WDFY3: variants seen among roughly 807,000 people sequenced by gnomAD.
WDFY3 encodes the protein WD repeat and FYVE domain-containing protein 3.
In WDFY3, 66 loss-of-function variants were observed where a neutral mutation model predicts 409.6. The observed-to-expected ratio is 0.16, with a 90% confidence interval of 0.13 to 0.20. WDFY3 has a LOEUF of 0.20. Ranked by LOEUF, WDFY3 falls within the 10% of genes least tolerant of loss-of-function variation. The probability of loss-of-function intolerance (pLI) is 1.00; values close to 1 mark genes in which losing one functional copy is unlikely to be tolerated. For synonymous variants in WDFY3, 1,521 were observed against 1,537.1 expected (o/e 0.99, Z 0.25); for missense variants, 3,031 against 4,298.1 (o/e 0.71, Z 8.24).
chr4:84,798,308 T>G (rs1044378916), intron 17 of WDFY3, among the ~76,000 whole-genome samples, 200 bp from the exon 18 acceptor site: 1 of 152,130 alleles, frequency 6.6e-6, no homozygotes, highest in Admixed American at 6.5e-5. Context: ...TTTTAGAATG[T>G]TTTTTAGACA....
intron 5 of WDFY3, 185 bp downstream of exon 5, chr4:84,849,717 C>A: frequency 1.5e-6 from 1 of 689,370 alleles, no homozygotes; most frequent in Non-Finnish European, 2.3e-6. Flanking sequence ...TTGAGCAGAA[C>A]TACTGGAGAG....
intron 2 of WDFY3, among the ~76,000 whole-genome samples, chr4:84,904,176 T>G (rs943471211): frequency 3.3e-5 from 5 of 152,350 alleles, no homozygotes; most frequent in African/African-American, 1.2e-4. Context: ...CTGAATCTGC[T>G]GGTGCGTTGA....
At chr4:84,921,519 A>AT (rs1769268168) in intron 2 of WDFY3, among the ~76,000 whole-genome samples, 2 of 152,100 alleles carry the variant, frequency 1.3e-5, no homozygotes. Context: ...ATCAGAGAAA[A>AT]GTATTTTTAT....
chr4:84,849,948 T>A lies in WDFY3; in HGVS notation c.258A>T (p.Arg86=). 6.2e-7 allele frequency: 1 copy of A among 1,611,756 alleles called. No homozygotes were observed. The highest frequency in any genetic ancestry group is 8.5e-7 in the Non-Finnish European group (1 of 1,179,288). The part of the protein sequence containing the change: ...DLLQFTTQVS[R]LMVTEIRRRA... ...TCCTTCGAATTTCTGTCACCATTAG[T>A]CGTGAGACTTGTGTTGTGAACTGCA... The change falls in exon 5 of 68, where the codon CGA becomes CGT. Residue 86 remains arginine, a synonymous_variant. Coordinates refer to ENST00000295888, the MANE Select transcript of WDFY3 (RefSeq NM_014991.6).
intron 13 of WDFY3, 46 bp from the exon 14 acceptor site, chr4:84,810,390 A>C: frequency 3.7e-6 from 4 of 1,085,964 alleles, no homozygotes; most frequent in Non-Finnish European, 3.6e-6. Context: ...ACATAATTCA[A>C]AAAAAAAAAA....
intron 1 of WDFY3, among the ~76,000 whole-genome samples, chr4:84,954,600 T>TA (rs1774012019): frequency 6.6e-6 from 1 of 152,220 alleles, no homozygotes; most frequent in Non-Finnish European, 1.5e-5. Flanking sequence ...TAAACAGTCT[T>TA]AGAGTTCCTC....
At chr4:84,716,843 T>C (rs1734031485) in intron 49 of WDFY3, 53 bp downstream of exon 49, 28 of 1,360,194 alleles carry the variant, frequency 2.1e-5, no homozygotes, top group Non-Finnish European at 2.6e-5. Context: ...AATAAAACAA[T>C]ACATTTTCAG....
intron 3 of WDFY3, among the ~76,000 whole-genome samples, chr4:84,894,814 G>A (rs184264873): frequency 1.1e-4 from 17 of 151,714 alleles, no homozygotes; most frequent in Admixed American, 1.1e-3. Flanking sequence ...GCCGGTTGTA[G>A]TGGCACACAC....
chr4:84,710,338 T>C (rs975860787), intron 51 of WDFY3, among the ~76,000 whole-genome samples: 8 of 152,204 alleles, frequency 5.3e-5, no homozygotes, highest in African/African-American at 1.9e-4. Flanking sequence ...AGGAAAGTCA[T>C]TGCTGTCCAG....
chr4:84,766,156 A>G (rs1358087214), intron 31 of WDFY3, 96 bp downstream of exon 31: 1 of 1,492,354 alleles, frequency 6.7e-7, no homozygotes, highest in African/African-American at 1.4e-5. Flanking sequence ...GGTTAAAAAA[A>G]TCTATTTAAA....
intron 3 of WDFY3, among the ~76,000 whole-genome samples, chr4:84,885,751 G>A (rs1429921204): frequency 3.9e-5 from 6 of 152,166 alleles, no homozygotes; most frequent in Non-Finnish European, 8.8e-5. Flanking sequence ...CAATCAGAAA[G>A]CTGGAAAATG....
At chr4:84,869,685 CTT>C (rs1170939969) in intron 3 of WDFY3, among the ~76,000 whole-genome samples, 3 of 152,024 alleles carry the variant, frequency 2.0e-5, no homozygotes, top group Admixed American at 6.6e-5. Flanking sequence ...ATACCACAAA[CTT>C]AAAAGATAAG....
chr4:84,678,042 TC>T (rs1488364083), intron 66 of WDFY3, 125 bp downstream of exon 66: 1 of 555,670 alleles, frequency 1.8e-6, no homozygotes, highest in African/African-American at 1.9e-5. Flanking sequence ...CAAATTTATC[TC>T]TTTGAGCTAC....
At chr4:84,925,301 C>T (rs756215784) in intron 2 of WDFY3, among the ~76,000 whole-genome samples, 9 of 152,182 alleles carry the variant, frequency 5.9e-5, no homozygotes, top group Non-Finnish European at 1.3e-4. Flanking sequence ...TACTTCTAGT[C>T]ACTATCTAAT....
chr4:84,681,035 T>C (rs987610060), intron 64 of WDFY3, among the ~76,000 whole-genome samples: 3 of 152,232 alleles, frequency 2.0e-5, no homozygotes, highest in Admixed American at 6.5e-5. Flanking sequence ...CAACGGCTTA[T>C]GATCGTGAGC....
intron 55 of WDFY3, among the ~76,000 whole-genome samples, chr4:84,703,098 A>G (rs1172630539): frequency 6.6e-6 from 1 of 152,030 alleles, no homozygotes; most frequent in East Asian, 1.9e-4. Flanking sequence ...CTGTCTCAAA[A>G]AAAAAAAAAA....
chr4:84,729,789 C>A (rs1736280831), intron 44 of WDFY3, among the ~76,000 whole-genome samples: 1 of 151,340 alleles, frequency 6.6e-6, no homozygotes, highest in Non-Finnish European at 1.5e-5. Flanking sequence ...AGGGACAGGA[C>A]AAAAAAAGGA....
chr4:84,718,419 T>G lies in WDFY3; in HGVS notation c.7754+3A>C. 1 of 1,611,634 alleles carries G rather than the reference T, an allele frequency of 6.2e-7. No homozygotes were observed. The highest frequency in any genetic ancestry group is 1.1e-5 in the South Asian group (1 of 90,832). ...CATTATGTCTCTTCATTCATTTACT[T>G]ACTTTGGAGGTAAGGTTTCAATATC... is the stretch of plus-strand genomic sequence containing the variant. On this transcript the variant is annotated splice_donor_region_variant and intron_variant, in intron 48 of 67. Transcript: ENST00000295888.
In WDFY3 at chr4:84,807,284, A is replaced by G. The variant is rs542551231; in HGVS notation, c.2429+1050T>C. 9.2e-4 allele frequency among the ~76,000 whole-genome samples: 140 copies of G among 152,298 alleles called. 1 individual carries two copies. Among genetic ancestry groups the G allele is most frequent in the African/African-American group, 3.1e-3 (128 of 41,570 alleles). On this transcript the variant is annotated intron_variant, in intron 15 of 67. Coordinates refer to ENST00000295888, the MANE Select transcript of WDFY3 (RefSeq NM_014991.6). ...GCAGTTTTTAAGCACAAATATACTG[A>G]ACAATCCTATATTCATTTAAGACTA...
Sources: allele counts gnomAD v4.1 joint callset (sites outside exome capture counted in the v4.1 genomes callset), GRCh38; gene constraint gnomAD v4.1.1; transcripts MANE v1.5; gene names NCBI Gene and HGNC (gene_info 2026-07-23, HGNC 2026-07-21).